CAV1: variants seen among roughly 807,000 people sequenced by gnomAD.
CAV1 encodes the protein caveolin 1, also known as caveolin-1.
CAV1 carries 10 observed loss-of-function variants against 16.5 expected under a neutral mutation model. The observed-to-expected ratio is 0.61, with a 90% CI of 0.37 to 1.03. The LOEUF is 1.03. Among genes scored for constraint, CAV1 ranks in the 50% least tolerant of loss-of-function variants. The pLI, the probability that CAV1 is intolerant of heterozygous loss-of-function variation, is 0.01. For synonymous variants in CAV1, 76 were observed against 85.1 expected, an observed-to-expected ratio of 0.89 and a Z score of 0.59; for missense variants, 212 against 232.8, an observed-to-expected ratio of 0.91 and a Z score of 0.58.
At chr7:116,531,591 T>C (rs1298702102) in intron 2 of CAV1, among the ~76,000 whole-genome samples, 1 of 152,078 alleles carries the variant, frequency 6.6e-6, no homozygotes, top group Non-Finnish European at 1.5e-5. Context: ...GATTTATTTT[T>C]ATTATTATTA....
intron 2 of CAV1, among the ~76,000 whole-genome samples, chr7:116,546,697 C>CAAAAAAAAAAAAAAAAAAAAAAAAA (rs5886830): frequency 6.1e-4 from 54 of 88,358 alleles, no homozygotes; most frequent in East Asian, 2.4e-3. Flanking sequence ...GACTCTGTCA[C>CAAAAAAAAAAAAAAAAAAAAAAAAA]AAAAAAAAAA....
intron 2 of CAV1, among the ~76,000 whole-genome samples, chr7:116,534,379 ATATATATATATATATATTTTTTTTT>A (rs374069824): frequency 0.53 from 29,016 of 55,142 alleles, 6,469 homozygotes; most frequent in South Asian, 0.55. Context: ...ATATATATAT[ATATATATATATATATATTTTTTTTT>A]TTTTTTTTTT....
intron 2 of CAV1, among the ~76,000 whole-genome samples, chr7:116,529,278 C>T (rs977807790): frequency 6.6e-6 from 1 of 152,138 alleles, no homozygotes; most frequent in African/African-American, 2.4e-5. Flanking sequence ...TAAAGGTACC[C>T]AATCAAGTAA....
At position 116,525,941 on chromosome 7, in the gene CAV1, G is replaced by T. The variant is rs1034230351; in HGVS notation, c.31-584G>T. 1.7e-5 allele frequency: 11 copies of T among 632,586 alleles called. No homozygotes were observed. In the African/African-American group the frequency reaches 2.0e-4, roughly 11 times the overall value. 39.2% of individuals were successfully genotyped at this position (632,586 alleles called of 1,614,324 possible). On this transcript the variant is annotated intron_variant, in intron 1 of 2. Transcript: ENST00000341049. ...GGACAAGAGAGGGCCGAGGCAGGGT[G>T]GGGGGCGCGGGCAGGTGCGAGGGGG...
intron 1 of CAV1, chr7:116,525,603 CCTT>C (rs922075519): frequency 2.4e-5 from 28 of 1,152,240 alleles, no homozygotes; most frequent in African/African-American, 6.5e-5. Flanking sequence ...CTCAAGAACT[CCTT>C]CTGCATCTTG....
At chr7:116,529,677 AC>A (rs1793643438) in intron 2 of CAV1, among the ~76,000 whole-genome samples, 1 of 152,326 alleles carries the variant, frequency 6.6e-6, no homozygotes, top group South Asian at 2.1e-4. Flanking sequence ...CAGCATTATT[AC>A]CTATTTTACT....
At chr7:116,552,626 T>C (rs997426079) in intron 2 of CAV1, among the ~76,000 whole-genome samples, 4 of 152,164 alleles carry the variant, frequency 2.6e-5, no homozygotes, top group African/African-American at 9.7e-5. Flanking sequence ...CTTCTAATCA[T>C]GCATGTCACC....
intron 2 of CAV1, chr7:116,526,959 C>G: frequency 2.0e-6 from 1 of 509,282 alleles, no homozygotes; most frequent in East Asian, 3.6e-5. Context: ...TATAACTACA[C>G]TTTTATCCTA....
chr7:116,535,921 C>T (rs1403836683), intron 2 of CAV1, among the ~76,000 whole-genome samples: 2 of 152,104 alleles, frequency 1.3e-5, no homozygotes, highest in Non-Finnish European at 2.9e-5. Flanking sequence ...TGATGTTGTA[C>T]ATATGTGCCT....
chr7:116,549,235 T>A (rs1356380179), intron 2 of CAV1, among the ~76,000 whole-genome samples: 3 of 152,146 alleles, frequency 2.0e-5, no homozygotes, highest in African/African-American at 7.2e-5. Flanking sequence ...TTCTCCTGCC[T>A]CCTCCCTGAA....
chr7:116,526,798 A>C, intron 2 of CAV1, 109 bp downstream of exon 2: 3 of 1,170,258 alleles, frequency 2.6e-6, no homozygotes, highest in Non-Finnish European at 3.7e-6. Flanking sequence ...CCCGCCCCCT[A>C]CACGCGCACA....
chr7:116,534,595 T>C (rs1022604076), intron 2 of CAV1, among the ~76,000 whole-genome samples: 6 of 150,342 alleles, frequency 4.0e-5, no homozygotes, highest in Non-Finnish European at 8.9e-5. Flanking sequence ...AGAGACAGGG[T>C]GTCACCGTGT....
At chr7:116,557,534 T>A (rs937403657) in intron 2 of CAV1, among the ~76,000 whole-genome samples, 7 of 152,210 alleles carry the variant, frequency 4.6e-5, no homozygotes, top group Non-Finnish European at 8.8e-5. Flanking sequence ...TGTGCTTCAG[T>A]GTAGTTTATA....
intron 2 of CAV1, among the ~76,000 whole-genome samples, chr7:116,544,975 C>T (rs184866496): frequency 1.3e-5 from 2 of 152,254 alleles, no homozygotes; most frequent in East Asian, 1.9e-4. Context: ...AAAACGTAGA[C>T]GCTTCATAAA....
chr7:116,541,303 ATTGGAAGGG>A (rs1388932898), intron 2 of CAV1, among the ~76,000 whole-genome samples: 1 of 152,016 alleles, frequency 6.6e-6, no homozygotes, highest in Non-Finnish European at 1.5e-5. Context: ...TAGGTGATTT[ATTGGAAGGG>A]TTGGAAGGAA....
At chr7:116,538,249 G>A (rs371850373) in intron 2 of CAV1, among the ~76,000 whole-genome samples, 40 of 152,294 alleles carry the variant, frequency 2.6e-4, no homozygotes, top group African/African-American at 7.5e-4. Context: ...ATGGCAAATC[G>A]TTTCTCTGAG....
chr7:116,526,801 C>G (rs1450542494), intron 2 of CAV1, 112 bp downstream of exon 2: 4 of 1,184,290 alleles, frequency 3.4e-6, no homozygotes, highest in Non-Finnish European at 4.9e-6. Context: ...GCCCCCTACA[C>G]GCGCACACAC....
chr7:116,555,480 A>AAGGAAGGAAGGAAGGAAGGAAGG (rs1327638542), intron 2 of CAV1, among the ~76,000 whole-genome samples: 1 of 7,876 alleles, frequency 1.3e-4, no homozygotes, highest in Non-Finnish European at 3.1e-4. Context: ...AGGAAGGAGG[A>AAGGAAGGAAGGAAGGAAGGAAGG]AAGAAAAGAA....
intron 2 of CAV1, among the ~76,000 whole-genome samples, chr7:116,527,643 C>T (rs1055279547): frequency 1.3e-5 from 2 of 152,226 alleles, no homozygotes; most frequent in East Asian, 3.9e-4. Context: ...CCATCCTTGG[C>T]AAAGGGTTTT....
Sources: allele counts gnomAD v4.1 joint callset (sites outside exome capture counted in the v4.1 genomes callset), GRCh38; gene constraint gnomAD v4.1.1; transcripts MANE v1.5; gene names NCBI Gene and HGNC (gene_info 2026-07-23, HGNC 2026-07-21).